The following SPAG17 variants were observed in gnomAD, a reference collection of about 807,000 sequenced individuals.
The protein encoded by SPAG17 is sperm associated antigen 17.
In SPAG17, 169 loss-of-function variants were observed where a neutral mutation model predicts 273.6. The ratio of observed to expected loss-of-function variants is 0.62; its 90% CI spans 0.55 to 0.70. The LOEUF (loss-of-function observed/expected upper bound fraction) is 0.70. SPAG17 is among the 30% of genes least tolerant of loss of function. The probability of loss-of-function intolerance (pLI) is 0.00; values close to 1 mark genes in which losing one functional copy is unlikely to be tolerated. For missense variants in SPAG17, 2,557 were observed against 2,627.8 expected, an observed-to-expected ratio of 0.97 and a Z score of 0.59; for synonymous variants, 825 against 873.2, an observed-to-expected ratio of 0.94 and a Z score of 0.97.
chr1:117,964,057 ACTGT>A, intron 47 of SPAG17, 119 bp from the exon 48 acceptor site: 2 of 1,179,630 alleles, frequency 1.7e-6, no homozygotes, highest in Non-Finnish European at 2.4e-6. Flanking sequence ...ATTTTAGGTA[ACTGT>A]CTATCCAATG....
At chr1:118,037,437 A>G (rs1571307909) in intron 23 of SPAG17, among the ~76,000 whole-genome samples, 1 of 152,096 alleles carries the variant, frequency 6.6e-6, no homozygotes, top group South Asian at 2.1e-4. Flanking sequence ...GTGTACAGAC[A>G]CTTTCATCAC....
At chr1:118,054,128 C>T (rs773787371) in intron 19 of SPAG17, 35 bp from the exon 20 acceptor site, 8 of 1,408,044 alleles carry the variant, frequency 5.7e-6, no homozygotes, top group Non-Finnish European at 7.9e-6. Flanking sequence ...CTTAGTAACT[C>T]TTAAATAAGA....
At chr1:118,058,415 C>A (rs1651931990) in intron 18 of SPAG17, among the ~76,000 whole-genome samples, 1 of 152,146 alleles carries the variant, frequency 6.6e-6, no homozygotes, top group Non-Finnish European at 1.5e-5. Context: ...CCATGTTGCC[C>A]AGGCTGGTTT....
intron 1 of SPAG17, among the ~76,000 whole-genome samples, chr1:118,175,661 C>A (rs182974435): frequency 1.3e-5 from 2 of 151,628 alleles, no homozygotes; most frequent in African/African-American, 4.8e-5. Flanking sequence ...AAGTCTTTCC[C>A]CAATAAACAA....
intron 1 of SPAG17, among the ~76,000 whole-genome samples, chr1:118,183,304 C>T (rs548980701): frequency 1.3e-5 from 2 of 152,132 alleles, no homozygotes; most frequent in African/African-American, 2.4e-5. Context: ...AATTCACACA[C>T]CCACAGTCAT....
chr1:118,022,173 A>G (rs1169785919), intron 28 of SPAG17, among the ~76,000 whole-genome samples: 1 of 152,154 alleles, frequency 6.6e-6, no homozygotes, highest in Non-Finnish European at 1.5e-5. Flanking sequence ...TCTCAGCTCT[A>G]CCACTTGCTA....
rs1657420386 is a variant in SPAG17 at position 117,994,298 on chromosome 1, T to G, written c.5178+108A>C. 2.5e-6 allele frequency: 3 copies of G among 1,218,946 alleles called. No homozygotes were observed. The South Asian group carries it at 5.9e-5, about 24-fold the overall frequency. 75.5% of individuals were successfully genotyped at this position (1,218,946 alleles called of 1,614,324 possible). ...TCCTTGAGCACATTAAAAATTTACATAAGAATGAAAATATATGAATATATG... is the reference window on the plus strand; with the variant it reads ...TCCTTGAGCACATTAAAAATTTACAGAAGAATGAAAATATATGAATATATG... On this transcript the variant is annotated intron_variant, in intron 35 of 48. Transcript: ENST00000336338.
intron 34 of SPAG17, 130 bp from the exon 35 acceptor site, chr1:117,994,660 GACTAT>G: frequency 2.2e-6 from 2 of 907,178 alleles, no homozygotes; most frequent in East Asian, 5.6e-5. Flanking sequence ...GAGACACAAT[GACTAT>G]ACTTAGGAAC....
rs759909504 is a variant in SPAG17, at chr1:118,055,733, T to C, written c.2722A>G (p.Ser908Gly). ...CGTATAAGTTGAACTGGTTACTTAC[T>C]TTTAGATTCTTTAATGGAAAAAATT... Reference protein sequence around the residue: ...SKIFSIKESKSNKGISKTEIS... With the variant: ...SKIFSIKESKGNKGISKTEIS... The change falls in exon 19 of 49, where the codon AGT becomes GGT. Residue 908 changes from serine (S) to glycine (G), a missense_variant and splice_region_variant. By Grantham distance (56) the Ser-to-Gly change is moderately conservative. Transcript: ENST00000336338. 6.2e-7 allele frequency: 1 copy of C among 1,608,116 alleles called. No homozygotes were observed. The highest frequency in any genetic ancestry group is 8.5e-7 in the Non-Finnish European group (1 of 1,176,494).
At position 118,146,646 on chromosome 1, in the gene SPAG17, T is replaced by C. The variant is rs75014278; in HGVS notation, c.315+3897A>G. 2.9e-4 allele frequency among the ~76,000 whole-genome samples: 44 copies of C among 152,328 alleles called. No individual in the cohort carries two copies. In the East Asian group the frequency reaches 8.3e-3, roughly 29 times the overall value. On this transcript the variant is annotated intron_variant, in intron 3 of 48. Transcript: ENST00000336338. ...GCTATTCCCTTTTCTTAGAATGCCCTCTTCCACATTTGAAAGTCAAGATCT... is the reference window on the plus strand; with the variant it reads ...GCTATTCCCTTTTCTTAGAATGCCCCCTTCCACATTTGAAAGTCAAGATCT...
chr1:118,132,076 T>C (rs1262747286), intron 3 of SPAG17, among the ~76,000 whole-genome samples: 5 of 152,180 alleles, frequency 3.3e-5, no homozygotes, highest in Non-Finnish European at 7.3e-5. Context: ...CAGGACAGTA[T>C]CGCATGCTGT....
chr1:118,108,123 C>G (rs1040786309), intron 4 of SPAG17, among the ~76,000 whole-genome samples: 2 of 152,130 alleles, frequency 1.3e-5, no homozygotes, highest in Non-Finnish European at 2.9e-5. Context: ...TGCTCTCTCC[C>G]CATGGCTGAC....
chr1:118,176,518 T>C (rs1660705877), intron 1 of SPAG17, among the ~76,000 whole-genome samples: 1 of 152,152 alleles, frequency 6.6e-6, no homozygotes, highest in Admixed American at 6.6e-5. Context: ...AATATAGCCA[T>C]TATAAATATG....
intron 4 of SPAG17, among the ~76,000 whole-genome samples, chr1:118,111,878 T>TA (rs1466343920): frequency 6.6e-6 from 1 of 152,182 alleles, no homozygotes; most frequent in Admixed American, 6.6e-5. Context: ...GTACCATGCA[T>TA]ATGAGCTAGC....
chr1:118,084,899 T>C (rs1473716430), intron 13 of SPAG17, among the ~76,000 whole-genome samples: 2 of 152,236 alleles, frequency 1.3e-5, no homozygotes, highest in African/African-American at 4.8e-5. Flanking sequence ...AGATTTCGAT[T>C]AGATTAATTC....
At chr1:117,981,616 T>C (rs1655822131) in intron 42 of SPAG17, among the ~76,000 whole-genome samples, 1 of 152,214 alleles carries the variant, frequency 6.6e-6, no homozygotes, top group South Asian at 2.1e-4. Context: ...AACAGTAAAG[T>C]ATTTGCAAAG....
chr1:117,959,204 G>A, intron 48 of SPAG17: 10 of 1,484,522 alleles, frequency 6.7e-6, no homozygotes, highest in East Asian at 2.3e-5. Flanking sequence ...AACAACACCT[G>A]AAGCTTTGGT....
intron 32 of SPAG17, among the ~76,000 whole-genome samples, chr1:118,002,740 C>T (rs534240187): frequency 6.6e-6 from 1 of 152,188 alleles, no homozygotes; most frequent in South Asian, 2.1e-4. Context: ...AGATGGGTCT[C>T]CTGAATGCAG....
chr1:118,023,643 A>G (rs1298752505), intron 27 of SPAG17, among the ~76,000 whole-genome samples, 180 bp from the exon 28 acceptor site: 1 of 152,148 alleles, frequency 6.6e-6, no homozygotes, highest in East Asian at 1.9e-4. Flanking sequence ...GAGTTCAGAG[A>G]CAATAGCCTA....
Sources: allele counts gnomAD v4.1 joint callset (sites outside exome capture counted in the v4.1 genomes callset), GRCh38; gene constraint gnomAD v4.1.1; transcripts MANE v1.5; gene names NCBI Gene and HGNC (gene_info 2026-07-23, HGNC 2026-07-21).